Variants in TSC22D3 observed in about 807,000 individuals in gnomAD.
TSC22D3 encodes the protein TSC22 domain family member 3, also known as TSC22 domain family protein 3.
TSC22D3 carries 4 observed loss-of-function variants against 11.1 expected under a neutral mutation model. The observed-to-expected ratio is 0.36, with a 90% CI of 0.18 to 0.83. The LOEUF (loss-of-function observed/expected upper bound fraction) is 0.83, where lower values mean the gene tolerates loss of function less well. TSC22D3 is among the 40% of genes least tolerant of loss of function. The probability of loss-of-function intolerance (pLI) is 0.48; values close to 1 mark genes in which losing one functional copy is unlikely to be tolerated. For missense variants in TSC22D3, 118 were observed against 159.4 expected (o/e 0.74, Z 1.40); for synonymous variants, 77 against 70.3 (o/e 1.10, Z -0.48).
intron 1 of TSC22D3, chrX:107,716,968 C>T (rs1927079915): frequency 9.5e-7 from 1 of 1,053,960 alleles, no homozygotes. Flanking sequence ...AACCCAAAGC[C>T]AAGCAGGCGC....
chrX:107,759,427 A>G lies in TSC22D3; in HGVS notation c.320+15673T>C, dbSNP rs555594204. Among the ~76,000 whole-genome samples, 61 of 112,028 alleles carry G rather than the reference A, an allele frequency of 5.4e-4. 2 individuals carry two copies. In the South Asian group the frequency reaches 0.022, roughly 40 times the overall value. On this transcript the variant is annotated intron_variant, in intron 1 of 2. Coordinates refer to ENST00000372383, the MANE Select transcript of TSC22D3 (RefSeq NM_198057.3). ...TGCGTTGAAAGAGACCCTAGAGACCATCTTGTCTCTCCCCTCCCCCATTTT... is the reference window on the plus strand; with the variant it reads ...TGCGTTGAAAGAGACCCTAGAGACCGTCTTGTCTCTCCCCTCCCCCATTTT...
chrX:107,716,671 AGCTGGG>A, intron 1 of TSC22D3: 1 of 1,194,248 alleles, frequency 8.4e-7, no homozygotes, highest in Middle Eastern at 2.5e-4. Context: ...GAGGCGCCGG[AGCTGGG>A]GCCAGCGGTT....
At chrX:107,718,072 T>G (rs1029720972) in intron 1 of TSC22D3, among the ~76,000 whole-genome samples, 4 of 112,114 alleles carry the variant, frequency 3.6e-5, no homozygotes, top group African/African-American at 1.3e-4. Flanking sequence ...TTAGAGGTAC[T>G]TCAGGAAAAA....
At chrX:107,758,057 G>A (rs1929255146) in intron 1 of TSC22D3, among the ~76,000 whole-genome samples, 1 of 110,152 alleles carries the variant, frequency 9.1e-6, no homozygotes, top group African/African-American at 3.3e-5. Flanking sequence ...AAGATTAACT[G>A]AGTGGCCAGA....
At chrX:107,761,752 C>T (rs1328216962) in intron 1 of TSC22D3, among the ~76,000 whole-genome samples, 1 of 112,011 alleles carries the variant, frequency 8.9e-6, no homozygotes, top group Non-Finnish European at 1.9e-5. Context: ...AGAAAATTTC[C>T]CTGCTCCTAA....
chrX:107,733,351 A>G (rs1228763526), intron 1 of TSC22D3, among the ~76,000 whole-genome samples: 1 of 111,972 alleles, frequency 8.9e-6, no homozygotes, highest in East Asian at 2.8e-4. Context: ...TATTATCCCT[A>G]TTCCCACCTC....
chrX:107,718,662 TTGG>T (rs777402462), intron 1 of TSC22D3, among the ~76,000 whole-genome samples: 3 of 112,828 alleles, frequency 2.7e-5, no homozygotes, highest in Non-Finnish European at 5.6e-5. Context: ...TGGTGCTCTA[TTGG>T]TGGATTCCAG....
chrX:107,751,125 C>T (rs1443999004), intron 1 of TSC22D3, among the ~76,000 whole-genome samples: 1 of 111,762 alleles, frequency 8.9e-6, no homozygotes, highest in Non-Finnish European at 1.9e-5. Flanking sequence ...AAATGGGTAA[C>T]CCAGAGCAGA....
At chrX:107,716,506 G>A (rs1208764616) in intron 1 of TSC22D3, 15 of 1,019,976 alleles carry the variant, frequency 1.5e-5, no homozygotes, top group Non-Finnish European at 1.9e-5. Context: ...ACGCTTCGAT[G>A]ACGGATCCCA....
At chrX:107,758,879 A>G (rs1379352476) in intron 1 of TSC22D3, among the ~76,000 whole-genome samples, 2 of 105,370 alleles carry the variant, frequency 1.9e-5, no homozygotes, top group African/African-American at 6.9e-5. Context: ...ATCATCCTTG[A>G]TTTTTTTTTT....
At chrX:107,767,102 T>C (rs1034242016) in intron 1 of TSC22D3, among the ~76,000 whole-genome samples, 2 of 111,290 alleles carry the variant, frequency 1.8e-5, no homozygotes, top group Non-Finnish European at 3.8e-5. Flanking sequence ...CCAGCCTAGA[T>C]AGCACGGAGC....
rs369782943 is a variant in TSC22D3, at chrX:107,775,114, C to T, written c.306G>A (p.Leu102=). 2.1e-4 allele frequency: 260 copies of T among 1,209,658 alleles called. No individual in the cohort carries two copies. The highest frequency in any genetic ancestry group is 2.7e-4 in the Non-Finnish European group (246 of 894,897). Residue 102 remains leucine (L), a synonymous_variant, in exon 1 of 3, where the codon CTG becomes CTA. Coordinates refer to ENST00000372383, the MANE Select transcript of TSC22D3 (RefSeq NM_198057.3). Reference sequence around the variant, plus strand: ...GAGCCACCCACCTGTGGAAGAAGAGCAGGATGGAGAGCATGGTCTGGTCGA... The same window carrying T: ...GAGCCACCCACCTGTGGAAGAAGAGTAGGATGGAGAGCATGGTCTGGTCGA... ...RNIDQTMLSI[L]LFFHSASGAS...
At chrX:107,736,688 T>G (rs1178325282) in intron 1 of TSC22D3, among the ~76,000 whole-genome samples, 1 of 110,965 alleles carries the variant, frequency 9.0e-6, no homozygotes, top group Non-Finnish European at 1.9e-5. Flanking sequence ...CGGTCTGTGC[T>G]CGATTTTTAT....
In TSC22D3 at chrX:107,761,852, T is replaced by C. The variant is rs185705474; in HGVS notation, c.320+13248A>G. Reference sequence around the variant, plus strand: ...TGGGTTCATTTTGCCTTTCTGCTACTGATTTTTGGGCAAGAATCACTCACA... The same window carrying C: ...TGGGTTCATTTTGCCTTTCTGCTACCGATTTTTGGGCAAGAATCACTCACA... On this transcript the variant is annotated intron_variant, in intron 1 of 2. Coordinates refer to ENST00000372383, the MANE Select transcript of TSC22D3 (RefSeq NM_198057.3). Among the ~76,000 whole-genome samples the C allele has an allele frequency of 1.6e-4, 18 of 112,444 alleles. No individual in the cohort carries two copies. The East Asian group carries it at 5.0e-3, about 31-fold the overall frequency.
chrX:107,724,650 G>T (rs144148907), intron 1 of TSC22D3, among the ~76,000 whole-genome samples: 1 of 112,272 alleles, frequency 8.9e-6, no homozygotes, highest in African/African-American at 3.2e-5. Flanking sequence ...TGGCCTCTGC[G>T]CTCTCTGACA....
intron 1 of TSC22D3, among the ~76,000 whole-genome samples, chrX:107,743,569 T>C (rs915878899): frequency 2.7e-5 from 3 of 112,065 alleles, no homozygotes; most frequent in Admixed American, 9.4e-5. Context: ...AGAGTTGGAT[T>C]TGTGAGCTGA....
At position 107,760,079 on chromosome X, in the gene TSC22D3, C is replaced by T. The variant is rs750450189; in HGVS notation, c.320+15021G>A. On this transcript the variant is annotated intron_variant, in intron 1 of 2. Coordinates refer to ENST00000372383, the MANE Select transcript of TSC22D3 (RefSeq NM_198057.3). ...GGATCCTCCGGGAGAGCCCAGACGG[C>T]GGCTCTGCCAGCCAGCCCCTGTGGT... Among the ~76,000 whole-genome samples, 15 of 112,994 alleles carry T rather than the reference C, an allele frequency of 1.3e-4. No homozygotes were observed. In the East Asian group the frequency reaches 4.2e-3, roughly 32 times the overall value.
At chrX:107,721,936 A>T (rs1207882170) in intron 1 of TSC22D3, 1 of 499,195 alleles carries the variant, frequency 2.0e-6, no homozygotes, top group Non-Finnish European at 3.7e-6. Flanking sequence ...CTTCTCGCTT[A>T]TCTTCTCTCT....
At chrX:107,731,266 G>A (rs370000494) in intron 1 of TSC22D3, among the ~76,000 whole-genome samples, 2 of 111,777 alleles carry the variant, frequency 1.8e-5, no homozygotes, top group South Asian at 3.8e-4. Flanking sequence ...AATGTACAGG[G>A]ATGAATACTA....
Sources: allele counts gnomAD v4.1 joint callset (sites outside exome capture counted in the v4.1 genomes callset), GRCh38; gene constraint gnomAD v4.1.1; transcripts MANE v1.5; gene names NCBI Gene and HGNC (gene_info 2026-07-23, HGNC 2026-07-21).